GLRA1: variants seen among roughly 807,000 people sequenced by gnomAD.
The protein encoded by GLRA1 is glycine receptor subunit alpha-1.
In GLRA1, 37 loss-of-function variants were observed where a neutral mutation model predicts 48.3. That is an observed-to-expected ratio of 0.77 (90% CI 0.59 to 1.01). The LOEUF (loss-of-function observed/expected upper bound fraction) is 1.01, where lower values mean the gene tolerates loss of function less well. GLRA1 is among the 50% of genes least tolerant of loss of function. The probability of loss-of-function intolerance (pLI) is 0.00; values close to 1 mark genes in which losing one functional copy is unlikely to be tolerated. For synonymous variants in GLRA1, 196 were observed against 210.7 expected (o/e 0.93, Z 0.60); for missense variants, 427 against 571.0 (o/e 0.75, Z 2.57).
At chr5:151,924,368 G>A in intron 1 of GLRA1, 126 bp downstream of exon 1, 2 of 757,890 alleles carry the variant, frequency 2.6e-6, no homozygotes, top group Middle Eastern at 2.5e-4. Context: ...GGGGATGGAA[G>A]GACCCGATTG....
At chr5:151,911,958 A>G (rs1455343169) in intron 1 of GLRA1, among the ~76,000 whole-genome samples, 1 of 152,200 alleles carries the variant, frequency 6.6e-6, no homozygotes, top group African/African-American at 2.4e-5. Flanking sequence ...ACTTAATTTA[A>G]GAATTAGGCA....
chr5:151,871,345 A>G (rs1753479450), intron 3 of GLRA1, among the ~76,000 whole-genome samples: 1 of 149,590 alleles, frequency 6.7e-6, no homozygotes, highest in Admixed American at 6.6e-5. Flanking sequence ...GATCTCATCC[A>G]TAATAGCAAC....
At chr5:151,854,834 G>A (rs745349183) in intron 6 of GLRA1, among the ~76,000 whole-genome samples, 3 of 152,146 alleles carry the variant, frequency 2.0e-5, no homozygotes, top group South Asian at 4.1e-4. Flanking sequence ...AGCTTCCCTC[G>A]TAATTAGGTA....
At chr5:151,845,443 A>G (rs987728888) in intron 7 of GLRA1, among the ~76,000 whole-genome samples, 2 of 152,244 alleles carry the variant, frequency 1.3e-5, no homozygotes, top group African/African-American at 4.8e-5. Flanking sequence ...ACCAAAGAAG[A>G]TACAGAAGGG....
chr5:151,859,700 GC>G, intron 4 of GLRA1, 84 bp downstream of exon 4: 1 of 983,660 alleles, frequency 1.0e-6, no homozygotes, highest in Non-Finnish European at 1.6e-6. Context: ...CCTCTGTTTG[GC>G]CCCTCTTTTA....
intron 3 of GLRA1, among the ~76,000 whole-genome samples, chr5:151,882,456 A>G (rs1753784191): frequency 6.6e-6 from 1 of 152,202 alleles, no homozygotes; most frequent in African/African-American, 2.4e-5. Context: ...TTTTCTTGTT[A>G]TTATACTAAT....
At chr5:151,903,430 A>G (rs887688591) in intron 1 of GLRA1, among the ~76,000 whole-genome samples, 6 of 152,276 alleles carry the variant, frequency 3.9e-5, no homozygotes, top group Admixed American at 2.6e-4. Flanking sequence ...CCAGGGCTCT[A>G]ATAATGCTCT....
intron 4 of GLRA1, 53 bp from the exon 5 acceptor site, chr5:151,856,436 G>A (rs1753045964): frequency 2.6e-6 from 3 of 1,153,124 alleles, no homozygotes; most frequent in Non-Finnish European, 3.9e-6. Flanking sequence ...CAGGGAGGCT[G>A]TGCCTCTATT....
intron 1 of GLRA1, among the ~76,000 whole-genome samples, chr5:151,912,619 G>A (rs979028260): frequency 1.1e-4 from 16 of 152,178 alleles, no homozygotes; most frequent in Non-Finnish European, 2.1e-4. Flanking sequence ...ATACAGCAGT[G>A]CTTTAGGGTT....
At chr5:151,861,080 T>C (rs1449666195) in intron 3 of GLRA1, among the ~76,000 whole-genome samples, 1 of 152,264 alleles carries the variant, frequency 6.6e-6, no homozygotes, top group African/African-American at 2.4e-5. Context: ...GGCTGCATAG[T>C]ATTCCATGGT....
chr5:151,910,864 T>A (rs1203794481), intron 1 of GLRA1, among the ~76,000 whole-genome samples: 1 of 152,198 alleles, frequency 6.6e-6, no homozygotes, highest in Non-Finnish European at 1.5e-5. Context: ...GTTTCTCTAT[T>A]TGTTTAGTTG....
intron 2 of GLRA1, among the ~76,000 whole-genome samples, chr5:151,891,260 T>C (rs1012154946): frequency 6.6e-6 from 1 of 152,186 alleles, no homozygotes; most frequent in African/African-American, 2.4e-5. Flanking sequence ...CAGTTTGAGA[T>C]GGCTGCAACC....
intron 1 of GLRA1, among the ~76,000 whole-genome samples, chr5:151,921,868 C>T (rs1374850052): frequency 1.3e-5 from 2 of 152,122 alleles, no homozygotes; most frequent in Non-Finnish European, 2.9e-5. Context: ...CCAAATCACC[C>T]GATCTTACTT....
intron 3 of GLRA1, among the ~76,000 whole-genome samples, chr5:151,867,719 G>A (rs1753373516): frequency 6.6e-6 from 1 of 152,194 alleles, no homozygotes; most frequent in Non-Finnish European, 1.5e-5. Context: ...TACACAGTTA[G>A]GAAAGAGTGG....
At chr5:151,879,955 G>A (rs1753722377) in intron 3 of GLRA1, among the ~76,000 whole-genome samples, 1 of 152,166 alleles carries the variant, frequency 6.6e-6, no homozygotes, top group African/African-American at 2.4e-5. Flanking sequence ...CTGTTCTTGT[G>A]ATAGTGAGTA....
intron 3 of GLRA1, among the ~76,000 whole-genome samples, chr5:151,874,608 T>G (rs1753578593): frequency 6.6e-6 from 1 of 152,118 alleles, no homozygotes; most frequent in African/African-American, 2.4e-5. Flanking sequence ...AAAAAGCCAA[T>G]AAGGCAACAA....
At chr5:151,889,656 A>C (rs763870596) in intron 2 of GLRA1, among the ~76,000 whole-genome samples, 8 of 152,200 alleles carry the variant, frequency 5.3e-5, no homozygotes, top group Non-Finnish European at 1.0e-4. Flanking sequence ...AGAGGTTTTA[A>C]ACAATGCAGA....
intron 3 of GLRA1, among the ~76,000 whole-genome samples, chr5:151,884,249 C>T (rs771798071): frequency 1.3e-4 from 19 of 151,960 alleles, no homozygotes; most frequent in African/African-American, 4.3e-4. Flanking sequence ...GCTGACATGG[C>T]GAAACCCCAT....
chr5:151,878,517 C>T (rs557091026), intron 3 of GLRA1, among the ~76,000 whole-genome samples: 77 of 152,258 alleles, frequency 5.1e-4, no homozygotes, highest in African/African-American at 1.3e-3. Flanking sequence ...AAAATGTCTC[C>T]GGAGCATGTC....
Sources: allele counts gnomAD v4.1 joint callset (sites outside exome capture counted in the v4.1 genomes callset), GRCh38; gene constraint gnomAD v4.1.1; transcripts MANE v1.5; gene names NCBI Gene and HGNC (gene_info 2026-07-23, HGNC 2026-07-21).